The following DPP10 variants were observed in gnomAD, a reference collection of about 807,000 sequenced individuals.
DPP10 encodes the protein dipeptidyl peptidase like 10, also known as inactive dipeptidyl peptidase 10.
A neutral mutation model predicts 120.9 loss-of-function variants in DPP10; 33 were observed. The ratio of observed to expected loss-of-function variants is 0.27; its 90% CI spans 0.21 to 0.37. DPP10 has a LOEUF of 0.37. Among genes scored for constraint, DPP10 ranks in the 10% least tolerant of loss-of-function variants. The pLI, the probability that DPP10 is intolerant of heterozygous loss-of-function variation, is 1.00. For missense variants in DPP10, 816 were observed against 942.8 expected, an observed-to-expected ratio of 0.87 and a Z score of 1.76; for synonymous variants, 337 against 326.1, an observed-to-expected ratio of 1.03 and a Z score of -0.36.
chr2:114,660,630 C>T (rs537143950), intron 1 of DPP10, among the ~76,000 whole-genome samples: 9 of 152,162 alleles, frequency 5.9e-5, no homozygotes, highest in Non-Finnish European at 1.3e-4. Flanking sequence ...ACTCTCCAGA[C>T]GTCATTGGTA....
rs1573740870 is a variant in DPP10, at chr2:115,135,113, C to T, written c.61-174126C>T. 4.6e-5 allele frequency among the ~76,000 whole-genome samples: 7 copies of T among 152,014 alleles called. No homozygotes were observed. In the South Asian group the frequency reaches 1.5e-3, roughly 32 times the overall value. ...ACAGTCAGGCAGGTACTAAACTGAT[C>T]CAGCAGGCAGCATGCTAGATGTTGG... On this transcript the variant is annotated intron_variant, in intron 1 of 25. Coordinates refer to ENST00000410059, the MANE Select transcript of DPP10 (RefSeq NM_020868.6).
At chr2:115,503,098 A>T (rs1220404788) in intron 4 of DPP10, among the ~76,000 whole-genome samples, 1 of 152,160 alleles carries the variant, frequency 6.6e-6, no homozygotes, top group East Asian at 1.9e-4. Context: ...GCCTATTTAA[A>T]TACATTCTAC....
intron 1 of DPP10, among the ~76,000 whole-genome samples, chr2:114,987,253 C>T (rs1345208782): frequency 2.0e-5 from 3 of 152,204 alleles, no homozygotes; most frequent in Non-Finnish European, 2.9e-5. Flanking sequence ...CTCTACTCTG[C>T]ATCTTCAACT....
chr2:115,363,041 C>A (rs112059325), intron 3 of DPP10, among the ~76,000 whole-genome samples: 27 of 152,240 alleles, frequency 1.8e-4, no homozygotes, highest in African/African-American at 6.3e-4. Flanking sequence ...AAGCCATTAG[C>A]CCATCACTGC....
intron 1 of DPP10, among the ~76,000 whole-genome samples, chr2:114,864,156 A>G (rs1183601693): frequency 6.6e-6 from 1 of 152,252 alleles, no homozygotes; most frequent in Non-Finnish European, 1.5e-5. Context: ...TGTTTGCAGT[A>G]TTCTATCAGA....
intron 1 of DPP10, among the ~76,000 whole-genome samples, chr2:114,954,038 G>A (rs1428710230): frequency 1.3e-5 from 2 of 148,212 alleles, no homozygotes; most frequent in African/African-American, 5.0e-5. Flanking sequence ...AAATAATTCT[G>A]CCCCAGAAAA....
intron 2 of DPP10, among the ~76,000 whole-genome samples, chr2:115,322,540 C>G (rs1011847891): frequency 1.3e-5 from 2 of 152,150 alleles, no homozygotes; most frequent in Non-Finnish European, 2.9e-5. Flanking sequence ...TCCTGCCTCT[C>G]TTATTGTGAT....
intron 3 of DPP10, among the ~76,000 whole-genome samples, chr2:115,356,204 A>C (rs1400412821): frequency 6.6e-6 from 1 of 152,082 alleles, no homozygotes. Flanking sequence ...AATGTTTTCC[A>C]TTTGTTTGTG....
At chr2:115,525,460 T>C (rs905449633) in intron 4 of DPP10, among the ~76,000 whole-genome samples, 25 of 152,134 alleles carry the variant, frequency 1.6e-4, no homozygotes, top group Non-Finnish European at 2.9e-5. Flanking sequence ...AATGTTAGTA[T>C]CTTTTTAAAT....
At chr2:114,761,345 C>T (rs1480394057) in intron 1 of DPP10, among the ~76,000 whole-genome samples, 1 of 152,080 alleles carries the variant, frequency 6.6e-6, no homozygotes. Flanking sequence ...TCTATAAAGT[C>T]TGAGTCTTAT....
At chr2:114,926,151 G>T (rs1404010701) in intron 1 of DPP10, among the ~76,000 whole-genome samples, 1 of 152,160 alleles carries the variant, frequency 6.6e-6, no homozygotes, top group Non-Finnish European at 1.5e-5. Flanking sequence ...GCTTGAATTT[G>T]TTGCCCATTT....
intron 1 of DPP10, among the ~76,000 whole-genome samples, chr2:115,205,749 C>A (rs2056077294): frequency 6.6e-6 from 1 of 151,986 alleles, no homozygotes; most frequent in Admixed American, 6.6e-5. Flanking sequence ...CAGTTGGAGG[C>A]CATTATTGTC....
intron 7 of DPP10, among the ~76,000 whole-genome samples, chr2:115,700,693 C>T (rs1355398016): frequency 2.0e-5 from 3 of 151,992 alleles, no homozygotes; most frequent in African/African-American, 7.2e-5. Flanking sequence ...CTAGAGTCCA[C>T]ACACACACTC....
At chr2:115,270,840 A>G (rs377216061) in intron 1 of DPP10, among the ~76,000 whole-genome samples, 19 of 152,344 alleles carry the variant, frequency 1.2e-4, no homozygotes, top group African/African-American at 3.6e-4. Flanking sequence ...CTGACTGTCA[A>G]TTATTTAGGA....
At chr2:114,879,134 C>CT (rs372569269) in intron 1 of DPP10, among the ~76,000 whole-genome samples, 7,854 of 141,134 alleles carry the variant, frequency 0.056, 222 homozygotes, top group Middle Eastern at 0.071. Flanking sequence ...CAGGTAAATT[C>CT]TTTTTTTTTT....
chr2:115,154,006 T>G (rs1165385796), intron 1 of DPP10, among the ~76,000 whole-genome samples: 1 of 152,196 alleles, frequency 6.6e-6, no homozygotes, highest in Non-Finnish European at 1.5e-5. Context: ...ATAAACAAGC[T>G]TATTTAATAT....
intron 1 of DPP10, among the ~76,000 whole-genome samples, chr2:114,598,708 A>G (rs1692123462): frequency 6.6e-6 from 1 of 151,956 alleles, no homozygotes; most frequent in African/African-American, 2.4e-5. Context: ...AATATTAGTT[A>G]TAATAACATG....
At chr2:114,496,533 G>A (rs913160526) in intron 1 of DPP10, among the ~76,000 whole-genome samples, 5 of 152,064 alleles carry the variant, frequency 3.3e-5, no homozygotes, top group African/African-American at 1.2e-4. Context: ...AGGTAGAAGT[G>A]CAAGAAGTCT....
chr2:114,944,095 A>G (rs1446471110), intron 1 of DPP10, among the ~76,000 whole-genome samples: 4 of 152,130 alleles, frequency 2.6e-5, no homozygotes, highest in Admixed American at 1.3e-4. Context: ...CTTTATGTGT[A>G]ATAGTTTTTC....
Sources: allele counts gnomAD v4.1 joint callset (sites outside exome capture counted in the v4.1 genomes callset), GRCh38; gene constraint gnomAD v4.1.1; transcripts MANE v1.5; gene names NCBI Gene and HGNC (gene_info 2026-07-23, HGNC 2026-07-21).